The following NTN1 variants were observed in gnomAD, a reference collection of about 807,000 sequenced individuals.
NTN1 encodes netrin 1.
Under a neutral mutation model 54.2 loss-of-function variants are expected in NTN1, and 11 were observed. The observed-to-expected ratio is 0.20, with a 90% CI of 0.13 to 0.34. NTN1 has a LOEUF of 0.34. NTN1 is among the 10% of genes least tolerant of loss of function. NTN1 has a pLI of 1.00. For synonymous variants in NTN1, 371 were observed against 382.0 expected (o/e 0.97, Z 0.33); for missense variants, 740 against 893.1 (o/e 0.83, Z 2.18).
chr17:9,063,870 C>T (rs966109217), intron 2 of NTN1, among the ~76,000 whole-genome samples: 23 of 151,848 alleles, frequency 1.5e-4, no homozygotes, highest in Non-Finnish European at 2.4e-4. Flanking sequence ...CAGATGCATG[C>T]CTTGAGGAAG....
chr17:9,209,320 T>C (rs1031345657), intron 5 of NTN1, among the ~76,000 whole-genome samples: 4 of 152,200 alleles, frequency 2.6e-5, no homozygotes, highest in African/African-American at 9.7e-5. Flanking sequence ...ATGGCCACGG[T>C]GAGCTGCAAG....
At chr17:9,201,734 G>A (rs1222719081) in intron 5 of NTN1, among the ~76,000 whole-genome samples, 3 of 152,038 alleles carry the variant, frequency 2.0e-5, no homozygotes, top group African/African-American at 7.2e-5. Context: ...TGAGCTCCTG[G>A]GCTGTGATTC....
In NTN1 at chr17:9,212,904, G is replaced by A. The variant is rs922240000; in HGVS notation, c.1412-8264G>A. Among the ~76,000 whole-genome samples the A allele has an allele frequency of 2.6e-5, 4 of 152,230 alleles. No homozygotes were observed. Among genetic ancestry groups the A allele is most frequent in the Admixed American group, 6.5e-5 (1 of 15,288 alleles). On this transcript the variant is annotated intron_variant, in intron 5 of 6. Coordinates refer to ENST00000173229, the MANE Select transcript of NTN1 (RefSeq NM_004822.3). This position sits in a 1 kb window ranked among gnomAD's most constrained non-coding sequence, Gnocchi z 5.5. ...GCCCCTGGCTTCAACCGTGGCCGCC[G>A]GGCTCTGCCTGCCATATGCTCAGAG...
chr17:9,198,421 G>A (rs1597533210), intron 5 of NTN1, among the ~76,000 whole-genome samples: 2 of 152,228 alleles, frequency 1.3e-5, no homozygotes, highest in African/African-American at 4.8e-5. Context: ...TTCAGAGAAG[G>A]GTGCAAGTGT....
intron 2 of NTN1, among the ~76,000 whole-genome samples, chr17:9,081,163 T>A (rs2092069626): frequency 1.3e-5 from 2 of 152,154 alleles, no homozygotes; most frequent in African/African-American, 4.8e-5. Context: ...ATACATAGTG[T>A]CAGAATTAAA....
chr17:9,045,941 G>A (rs2091940101), intron 2 of NTN1, among the ~76,000 whole-genome samples: 1 of 152,198 alleles, frequency 6.6e-6, no homozygotes, highest in Non-Finnish European at 1.5e-5. Context: ...AATTTTCTAA[G>A]TGTCATTTCC....
chr17:9,096,148 G>C (rs538428051), intron 2 of NTN1, among the ~76,000 whole-genome samples: 49 of 152,066 alleles, frequency 3.2e-4, no homozygotes, highest in South Asian at 1.7e-3. Flanking sequence ...ATGTCCATCA[G>C]GTATCCACAT....
At chr17:9,179,744 C>A in intron 3 of NTN1, 63 bp from the exon 4 acceptor site, 1 of 1,564,442 alleles carries the variant, frequency 6.4e-7, no homozygotes, top group Non-Finnish European at 8.7e-7. Flanking sequence ...GTAGGGAAGG[C>A]TCTGCGGGGA....
At chr17:9,031,523 G>A (rs1389897449) in intron 2 of NTN1, among the ~76,000 whole-genome samples, 1 of 152,174 alleles carries the variant, frequency 6.6e-6, no homozygotes, top group Non-Finnish European at 1.5e-5. Context: ...AAAACTATCT[G>A]CCATTTTTGG....
At chr17:9,023,820 C>T (rs2091861791) in intron 2 of NTN1, among the ~76,000 whole-genome samples, 2 of 152,224 alleles carry the variant, frequency 1.3e-5, no homozygotes, top group African/African-American at 4.8e-5. Flanking sequence ...AGTTCCAACT[C>T]CACACCTACA....
At chr17:9,201,493 A>G (rs551323679) in intron 5 of NTN1, among the ~76,000 whole-genome samples, 78 of 152,198 alleles carry the variant, frequency 5.1e-4, no homozygotes, top group Non-Finnish European at 8.8e-4. Context: ...ACTTGTCCCA[A>G]GGGGACTCAG....
chr17:9,054,144 C>T (rs773510845), intron 2 of NTN1, among the ~76,000 whole-genome samples: 2 of 152,314 alleles, frequency 1.3e-5, no homozygotes, highest in South Asian at 4.1e-4. Flanking sequence ...ACAGTGAACA[C>T]GATTCTCTCT....
chr17:9,070,479 C>T (rs951927596), intron 2 of NTN1, among the ~76,000 whole-genome samples: 38 of 152,110 alleles, frequency 2.5e-4, no homozygotes, highest in Non-Finnish European at 4.3e-4. Flanking sequence ...CCTAAACCCC[C>T]GAGACTTTGG....
At chr17:9,233,414 G>A (rs558303380) in intron 6 of NTN1, among the ~76,000 whole-genome samples, 2 of 152,116 alleles carry the variant, frequency 1.3e-5, no homozygotes, top group South Asian at 2.1e-4. Flanking sequence ...TGGCCCGGGC[G>A]GGGAGCTTTG....
the NTN1 span, among the ~76,000 whole-genome samples, chr17:9,003,112 C>T: frequency 6.6e-6 from 1 of 152,146 alleles, no homozygotes; most frequent in Non-Finnish European, 1.5e-5. This position sits in a 1 kb window ranked among gnomAD's most constrained non-coding sequence, Gnocchi z 7.4. Flanking sequence ...CCGCGGAGAG[C>T]TCGCCTCCCG....
chr17:9,124,043 C>T lies in NTN1; in HGVS notation c.1019-38770C>T, dbSNP rs147941038. On this transcript the variant is annotated intron_variant, in intron 2 of 6. Transcript: ENST00000173229. ...GCAAATGCTCAGGTCTTCTTAGCAA[C>T]CTTTGGCCTGTCCCCTGACCCCAAC... Among the ~76,000 whole-genome samples the T allele has an allele frequency of 1.6e-3, 244 of 152,288 alleles. 2 individuals carry two copies. The highest frequency in any genetic ancestry group is 5.6e-3 in the African/African-American group (232 of 41,562).
At chr17:9,064,196 A>C (rs1466794503) in intron 2 of NTN1, among the ~76,000 whole-genome samples, 1 of 152,116 alleles carries the variant, frequency 6.6e-6, no homozygotes, top group Non-Finnish European at 1.5e-5. Flanking sequence ...GCATCCATTC[A>C]TTCATCGGTC....
At chr17:9,011,829 C>T in the NTN1 span, among the ~76,000 whole-genome samples, 1 of 152,122 alleles carries the variant, frequency 6.6e-6, no homozygotes, top group African/African-American at 2.4e-5. Flanking sequence ...ACCTCGTGAT[C>T]CACCCACCTC....
chr17:9,033,090 A>C (rs1383503550), intron 2 of NTN1, among the ~76,000 whole-genome samples: 1 of 151,248 alleles, frequency 6.6e-6, no homozygotes, highest in African/African-American at 2.4e-5. Flanking sequence ...AGTAGCTGGG[A>C]TTACAGGCAC....
Sources: gnomAD v4.1 joint callset for allele counts (sites outside exome capture counted in the v4.1 genomes callset) on GRCh38, gnomAD v4.1.1 for gene constraint, Gnocchi (gnomAD v3.1) non-coding constraint, MANE v1.5 for transcripts, NCBI Gene and HGNC (gene_info 2026-07-23, HGNC 2026-07-21) for gene names.